PRMT7: variants seen among roughly 807,000 people sequenced by gnomAD.
PRMT7 encodes protein arginine N-methyltransferase 7.
PRMT7 carries 75 observed loss-of-function variants against 85.4 expected under a neutral mutation model. That is an observed-to-expected ratio of 0.88 (90% CI 0.73 to 1.06). The LOEUF is 1.06. Ranked by LOEUF, PRMT7 falls within the 50% of genes least tolerant of loss-of-function variation. The pLI, the probability that PRMT7 is intolerant of heterozygous loss-of-function variation, is 0.00. For missense variants in PRMT7, 868 were observed against 915.2 expected (o/e 0.95, Z 0.67); for synonymous variants, 397 against 359.5 (o/e 1.10, Z -1.18).
chr16:68,346,261 A>T lies in PRMT7; in HGVS notation c.1172A>T (p.Tyr391Phe). 1 of 1,614,244 alleles carries T rather than the reference A, an allele frequency of 6.2e-7. No individual in the cohort carries two copies. The highest frequency in any genetic ancestry group is 1.1e-5 in the South Asian group (1 of 91,088). Residue 391 changes from tyrosine to phenylalanine, a missense_variant, in exon 11 of 19, where the codon TAC (tyrosine) becomes TTC (phenylalanine). Coordinates refer to ENST00000441236, the MANE Select transcript of PRMT7 (RefSeq NM_019023.5). ...AATGACCAGGACAGAACTGATCGAT[A>T]CGTCCAGGCTCTGAGGACCGTAAGT... ...EINDQDRTDRYVQALRTVLKP... is the reference protein window; with the variant it reads ...EINDQDRTDRFVQALRTVLKP...
At chr16:68,349,181 C>T (rs1455344848) in intron 14 of PRMT7, among the ~76,000 whole-genome samples, 1 of 152,164 alleles carries the variant, frequency 6.6e-6, no homozygotes, top group Non-Finnish European at 1.5e-5. Flanking sequence ...TCCTTGTGAC[C>T]CGGGACTTCT....
At chr16:68,356,588 G>T in intron 17 of PRMT7, 113 bp from the exon 18 acceptor site, 1 of 758,752 alleles carries the variant, frequency 1.3e-6, no homozygotes. Flanking sequence ...CTCCCGGCAG[G>T]GCAGGAAGGA....
At chr16:68,335,635 AG>A (rs774500487) in intron 6 of PRMT7, among the ~76,000 whole-genome samples, 2 of 151,722 alleles carry the variant, frequency 1.3e-5, no homozygotes, top group Non-Finnish European at 2.9e-5. Context: ...CATGAGACAG[AG>A]CCCATTCACC....
At position 68,317,727 on chromosome 16, in the gene PRMT7, A is replaced by T. The variant is rs547322491; in HGVS notation, c.95+1653A>T. On this transcript the variant is annotated intron_variant, in intron 3 of 18. Coordinates refer to ENST00000441236, the MANE Select transcript of PRMT7 (RefSeq NM_019023.5). Reference sequence around the variant, plus strand: ...ATGCCTGTAATCCCAGCTGCTCGGGAGGCTGAGGCAGGAGAATCACTTGAA... The same window carrying T: ...ATGCCTGTAATCCCAGCTGCTCGGGTGGCTGAGGCAGGAGAATCACTTGAA... Among the ~76,000 whole-genome samples, 4 of 152,118 alleles carry T rather than the reference A, an allele frequency of 2.6e-5. No individual in the cohort carries two copies. The South Asian group carries it at 8.3e-4, about 32-fold the overall frequency.
Position 68,311,042 on chromosome 16 carries a change from G to C in PRMT7, c.-276G>C, listed in dbSNP as rs3743741. 519,328 of 948,066 alleles carry C rather than the reference G, an allele frequency of 0.55. 145,201 individuals carry two copies. Among genetic ancestry groups the C allele is most frequent in the East Asian group, 0.79 (30,282 of 38,220 alleles). The allele number at this position is 948,066 out of a possible 1,614,324, so 58.7% of individuals were successfully genotyped here. Reference sequence around the variant, plus strand: ...TCGACGCTGCGAGGTCCCGCCCCGCGTGCTGGCCGCGGTAAAAGTGGTAGC... The same window carrying C: ...TCGACGCTGCGAGGTCCCGCCCCGCCTGCTGGCCGCGGTAAAAGTGGTAGC... On this transcript the variant is annotated 5_prime_UTR_variant, in exon 1 of 19. Transcript: ENST00000441236.
At chr16:68,319,891 G>T (rs1015809180) in intron 3 of PRMT7, among the ~76,000 whole-genome samples, 1 of 152,158 alleles carries the variant, frequency 6.6e-6, no homozygotes, top group African/African-American at 2.4e-5. Flanking sequence ...TGCTCATCCC[G>T]ACCCCGCCTG....
chr16:68,312,231 T>TATATA (rs1567615815), intron 2 of PRMT7, 55 bp downstream of exon 2: 1 of 53,076 alleles, frequency 1.9e-5, no homozygotes, highest in East Asian at 1.1e-3. Flanking sequence ...ATATATATAT[T>TATATA]TTTTTTTTTA....
At chr16:68,347,156 G>A in intron 11 of PRMT7, 55 bp from the exon 12 acceptor site, 1 of 1,484,982 alleles carries the variant, frequency 6.7e-7, no homozygotes, top group Non-Finnish European at 9.2e-7. Flanking sequence ...TTGCCAGCAG[G>A]AATCTTCTGG....
intron 4 of PRMT7, 36 bp downstream of exon 4, chr16:68,321,498 G>A (rs772831059): frequency 3.8e-6 from 6 of 1,561,288 alleles, no homozygotes; most frequent in South Asian, 3.4e-5. Context: ...TTGATGTGGG[G>A]TGTTTTGAAG....
Position 68,357,906 on chromosome 16 carries a change from G to C in PRMT7, c.*682G>C, listed in dbSNP as rs1417469482. On this transcript the variant is annotated 3_prime_UTR_variant, in exon 19 of 19. Transcript: ENST00000441236. Reference sequence around the variant, plus strand: ...TGCAGGCCCAGGAAAGTGGCTGTCAGGGGAGCTGGGAGGCAGCCCTGTTCC... The same window carrying C: ...TGCAGGCCCAGGAAAGTGGCTGTCACGGGAGCTGGGAGGCAGCCCTGTTCC... The C allele has an allele frequency of 6.6e-6, 1 of 152,308 alleles. No individual in the cohort carries two copies. The highest frequency in any genetic ancestry group is 1.5e-5 in the Non-Finnish European group (1 of 68,106). 9.4% of individuals were successfully genotyped at this position (152,308 alleles called of 1,614,324 possible). A position where few individuals can be genotyped will look rare whatever the true frequency, so the allele number is the denominator to read the frequency against.
chr16:68,348,725 C>T (rs1012750544), intron 14 of PRMT7, among the ~76,000 whole-genome samples: 5 of 150,054 alleles, frequency 3.3e-5, no homozygotes, highest in African/African-American at 4.9e-5. Context: ...TTACTGCAGC[C>T]TCGACCTTCC....
chr16:68,358,941 G>C (rs973757116), downstream of PRMT7: 1 of 152,674 alleles, frequency 6.5e-6, no homozygotes, highest in South Asian at 2.1e-4. Context: ...GCTGAGGGAG[G>C]TGTGCGGGGG....
intron 4 of PRMT7, among the ~76,000 whole-genome samples, chr16:68,323,251 C>A (rs1029162524): frequency 6.7e-6 from 1 of 148,784 alleles, no homozygotes; most frequent in Non-Finnish European, 1.5e-5. Context: ...AATGAGTCTC[C>A]CTCTGTTGCC....
rs1407288002 is a variant in PRMT7 at position 68,346,237 on chromosome 16, A to G, written c.1148A>G (p.Asn383Ser). 5 of 1,614,252 alleles carry G rather than the reference A, an allele frequency of 3.1e-6. No individual in the cohort carries two copies. The highest frequency in any genetic ancestry group is 1.3e-5 in the African/African-American group (1 of 75,066). Residue 383 changes from asparagine to serine, a missense_variant, in exon 11 of 19, where the codon AAT becomes AGT. Coordinates refer to ENST00000441236, the MANE Select transcript of PRMT7 (RefSeq NM_019023.5). ...AACCGGCCTCGGTTTGGAGAGATCA[A>G]TGACCAGGACAGAACTGATCGATAC... ...LWNRPRFGEI[N>S]DQDRTDRYVQ...
chr16:68,331,546 C>A (rs774200643), intron 6 of PRMT7, among the ~76,000 whole-genome samples: 2 of 149,820 alleles, frequency 1.3e-5, no homozygotes, highest in Non-Finnish European at 2.9e-5. Flanking sequence ...TGGCTTATTG[C>A]AGCTTTGACC....
intron 14 of PRMT7, among the ~76,000 whole-genome samples, chr16:68,348,728 G>A (rs963250293): frequency 1.2e-4 from 17 of 142,884 alleles, no homozygotes; most frequent in Middle Eastern, 3.7e-3. Context: ...CTGCAGCCTC[G>A]ACCTTCCAGC....
At chr16:68,341,073 TG>T (rs779955048) in intron 9 of PRMT7, among the ~76,000 whole-genome samples, 2 of 152,334 alleles carry the variant, frequency 1.3e-5, no homozygotes, top group East Asian at 3.9e-4. Flanking sequence ...TTCGTAAAAC[TG>T]ACTGCATCTG....
intron 5 of PRMT7, among the ~76,000 whole-genome samples, chr16:68,325,661 C>G (rs745761426): frequency 8.6e-5 from 13 of 151,996 alleles, no homozygotes; most frequent in Non-Finnish European, 1.5e-5. Context: ...TGTGGTGATG[C>G]GCGCCTGTAA....
intron 14 of PRMT7, 170 bp from the exon 15 acceptor site, chr16:68,352,078 G>A: frequency 1.6e-6 from 1 of 641,552 alleles, no homozygotes; most frequent in South Asian, 2.0e-5. Flanking sequence ...AGGGAGGGAG[G>A]GACTGATGAG....
Sources: allele counts gnomAD v4.1 joint callset (sites outside exome capture counted in the v4.1 genomes callset), GRCh38; gene constraint gnomAD v4.1.1; transcripts MANE v1.5; gene names NCBI Gene and HGNC (gene_info 2026-07-23, HGNC 2026-07-21).